The following PDE4D variants were observed in gnomAD, a reference collection of about 807,000 sequenced individuals.
PDE4D encodes 3',5'-cyclic-AMP phosphodiesterase 4D.
In PDE4D, 24 loss-of-function variants were observed where a neutral mutation model predicts 87.4. The ratio of observed to expected loss-of-function variants is 0.27; its 90% CI spans 0.20 to 0.39. PDE4D has a LOEUF of 0.39. PDE4D is among the 10% of genes least tolerant of loss of function. The pLI, the probability that PDE4D is intolerant of heterozygous loss-of-function variation, is 1.00. For missense variants in PDE4D, 714 were observed against 1,041.0 expected (o/e 0.69, Z 4.32); for synonymous variants, 384 against 383.2 (o/e 1.00, Z -0.02).
chr5:58,992,202 T>A (rs1748075031), intron 7 of PDE4D, among the ~76,000 whole-genome samples, 198 bp from the exon 8 acceptor site: 1 of 152,266 alleles, frequency 6.6e-6, no homozygotes, highest in African/African-American at 2.4e-5. Flanking sequence ...ATTAAGCAAA[T>A]AAGTTCCATT....
chr5:59,167,982 T>C (rs1160150325), intron 5 of PDE4D, among the ~76,000 whole-genome samples: 1 of 151,912 alleles, frequency 6.6e-6, no homozygotes, highest in Non-Finnish European at 1.5e-5. Context: ...GAAAAGAATG[T>C]CATAAACACC....
intron 2 of PDE4D, among the ~76,000 whole-genome samples, chr5:60,072,494 G>A (rs1193751389): frequency 6.6e-6 from 1 of 152,094 alleles, no homozygotes; most frequent in African/African-American, 2.4e-5. Context: ...TTGCTGTGAG[G>A]AAGCTCTGTA....
chr5:59,348,499 C>T lies in PDE4D; in HGVS notation c.456-132531G>A, dbSNP rs552280665. On this transcript the variant is annotated intron_variant, in intron 1 of 14. Transcript: ENST00000340635. ...TACCACCTGAAGGAATAATCTTTTA[C>T]ATTCTGTTCTGTTCATTTTTGAATG... 6.6e-5 allele frequency among the ~76,000 whole-genome samples: 10 copies of T among 152,100 alleles called. No homozygotes were observed. In the South Asian group the frequency reaches 1.7e-3, roughly 25 times the overall value.
chr5:60,224,465 G>T lies in PDE4D; in HGVS notation c.-89-38778C>A, dbSNP rs117476781. On this transcript the variant is annotated intron_variant, in intron 1 of 16. Transcript: ENST00000502484. ...TCTGCTTCCCTTGGGTCACTTGGTG[G>T]TGTTTCACTGTGGCTGAACTGGTTT... 8.9e-4 allele frequency among the ~76,000 whole-genome samples: 135 copies of T among 152,162 alleles called. 5 individuals are homozygous for T. In the East Asian group the frequency reaches 0.019, roughly 21 times the overall value.
intron 2 of PDE4D, among the ~76,000 whole-genome samples, chr5:60,128,442 C>A (rs2149392878): frequency 6.6e-6 from 1 of 152,216 alleles, no homozygotes; most frequent in Admixed American, 6.5e-5. Flanking sequence ...TAAATGGAAG[C>A]AACATAAGCC....
chr5:59,577,262 C>A (rs1045791994), intron 1 of PDE4D, among the ~76,000 whole-genome samples: 1 of 152,036 alleles, frequency 6.6e-6, no homozygotes, highest in African/African-American at 2.4e-5. Flanking sequence ...CTGTCTTCCC[C>A]ATGAAAAAGG....
intron 1 of PDE4D, among the ~76,000 whole-genome samples, chr5:59,471,896 C>T (rs1198866930): frequency 6.6e-6 from 1 of 152,126 alleles, no homozygotes; most frequent in Non-Finnish European, 1.5e-5. Context: ...AACTCATTTA[C>T]AGTATATTCC....
At chr5:59,049,814 T>G (rs182399031) in intron 5 of PDE4D, among the ~76,000 whole-genome samples, 10 of 152,334 alleles carry the variant, frequency 6.6e-5, no homozygotes, top group African/African-American at 2.2e-4. Context: ...CCCCAGAATC[T>G]TTTATTCGGA....
chr5:59,411,733 G>T (rs1792717778), intron 1 of PDE4D, among the ~76,000 whole-genome samples: 2 of 152,126 alleles, frequency 1.3e-5, no homozygotes, highest in Non-Finnish European at 2.9e-5. Flanking sequence ...TTATCTCCAT[G>T]GTTACATTCT....
intron 1 of PDE4D, among the ~76,000 whole-genome samples, chr5:59,844,679 C>T (rs866761586): frequency 5.9e-5 from 9 of 152,190 alleles, no homozygotes; most frequent in Middle Eastern, 6.8e-3. Flanking sequence ...AGATTCTATC[C>T]TCTACATGCA....
intron 2 of PDE4D, among the ~76,000 whole-genome samples, chr5:60,153,890 T>C (rs1781735113): frequency 6.6e-6 from 1 of 152,170 alleles, no homozygotes; most frequent in Non-Finnish European, 1.5e-5. Context: ...GTTAGATAAG[T>C]ATGAAGTTTC....
At chr5:59,315,494 G>C (rs116087147) in intron 1 of PDE4D, among the ~76,000 whole-genome samples, 1 of 152,082 alleles carries the variant, frequency 6.6e-6, no homozygotes, top group African/African-American at 2.4e-5. Flanking sequence ...TAGGTAGATA[G>C]GTGGATATGA....
intron 5 of PDE4D, among the ~76,000 whole-genome samples, chr5:59,099,050 A>C (rs1770276430): frequency 6.6e-6 from 1 of 152,210 alleles, no homozygotes; most frequent in Non-Finnish European, 1.5e-5. Context: ...GATGTCACCC[A>C]ATATAATTAA....
In PDE4D at chr5:60,236,663, T is replaced by G. The variant is rs1583171720; in HGVS notation, c.-89-50976A>C. Among the ~76,000 whole-genome samples the G allele has an allele frequency of 2.0e-5, 3 of 152,042 alleles. No homozygotes were observed. The East Asian group carries it at 5.8e-4, about 29-fold the overall frequency. Reference sequence around the variant, plus strand: ...CAGCCATTATTTCAGATTATTTGGTTGGGGCTACTTTAATCACAGGGGTTC... The same window carrying G: ...CAGCCATTATTTCAGATTATTTGGTGGGGGCTACTTTAATCACAGGGGTTC... On this transcript the variant is annotated intron_variant, in intron 1 of 16. Coordinates refer to the PDE4D transcript ENST00000502484.
intron 1 of PDE4D, among the ~76,000 whole-genome samples, chr5:59,380,802 A>ATT (rs5868179): frequency 0.17 from 25,625 of 151,286 alleles, 2,348 homozygotes; most frequent in Middle Eastern, 0.27. Context: ...AGTTTACTTA[A>ATT]TTTTTTTTTT....
At chr5:59,718,670 T>G (rs1755376766) in intron 1 of PDE4D, among the ~76,000 whole-genome samples, 1 of 152,170 alleles carries the variant, frequency 6.6e-6, no homozygotes, top group African/African-American at 2.4e-5. Flanking sequence ...ACAGAGGCTG[T>G]TAGAAAGATC....
intron 6 of PDE4D, chr5:58,999,564 T>TATA (rs1245960730): frequency 8.7e-7 from 1 of 1,152,102 alleles, no homozygotes; most frequent in African/African-American, 1.9e-5. Context: ...TATATATATA[T>TATA]ATATGTATAT....
At chr5:60,448,789 T>C (rs1745854236) in intron 1 of PDE4D, 1 of 152,134 alleles carries the variant, frequency 6.6e-6, no homozygotes, top group African/African-American at 2.4e-5. Flanking sequence ...ATAGCAGATA[T>C]TTTAATGAAA....
intron 1 of PDE4D, among the ~76,000 whole-genome samples, chr5:59,404,560 G>A (rs909224498): frequency 1.3e-5 from 2 of 151,634 alleles, no homozygotes; most frequent in African/African-American, 4.9e-5. Flanking sequence ...TCAGGAGGCT[G>A]AGGCACAAGA....
Sources: gnomAD v4.1 joint callset for allele counts (sites outside exome capture counted in the v4.1 genomes callset) on GRCh38, gnomAD v4.1.1 for gene constraint, MANE v1.5 for transcripts, NCBI Gene and HGNC (gene_info 2026-07-23, HGNC 2026-07-21) for gene names.